Variants in ANO3 observed in about 807,000 individuals in gnomAD.
ANO3 encodes anoctamin-3.
Under a neutral mutation model 144.8 loss-of-function variants are expected in ANO3, and 99 were observed. That is an observed-to-expected ratio of 0.68 (90% CI 0.58 to 0.81). The LOEUF is 0.81. ANO3 is among the 30% of genes least tolerant of loss of function. The probability of loss-of-function intolerance (pLI) is 0.00; values close to 1 mark genes in which losing one functional copy is unlikely to be tolerated. For synonymous variants in ANO3, 414 were observed against 392.6 expected (o/e 1.05, Z -0.64); for missense variants, 905 against 1,202.2 (o/e 0.75, Z 3.66).
At chr11:26,477,928 T>C (rs577833244) in intron 4 of ANO3, among the ~76,000 whole-genome samples, 2 of 152,168 alleles carry the variant, frequency 1.3e-5, no homozygotes, top group South Asian at 2.1e-4. Context: ...TGCATCGTTA[T>C]GAATCATAGC....
At chr11:26,328,873 T>TA (rs1254453877), upstream of ANO3, among the ~76,000 whole-genome samples, 8 of 152,044 alleles carry the variant, frequency 5.3e-5, no homozygotes, top group Non-Finnish European at 7.4e-5. Flanking sequence ...TATGAAAGTA[T>TA]AAAAAATATT....
Position 26,375,549 on chromosome 11 carries a change from C to T in ANO3, c.46+43228C>T, listed in dbSNP as rs73443815. Among the ~76,000 whole-genome samples, 531 of 152,294 alleles carry T rather than the reference C, an allele frequency of 3.5e-3. 4 individuals are homozygous for T. Among genetic ancestry groups the T allele is most frequent in the African/African-American group, 0.012 (484 of 41,578 alleles). On this transcript the variant is annotated intron_variant, in intron 1 of 26. Coordinates refer to ENST00000256737, the MANE Select transcript of ANO3 (RefSeq NM_031418.4). The stretch of plus-strand genomic sequence containing the variant: ...ATCGGTGAGTTATTGTTGGCTACAA[C>T]ACTTAAAATCTTCAAACAATGGGAG...
chr11:26,427,220 A>G (rs1184750840), intron 1 of ANO3: 2 of 188,082 alleles, frequency 1.1e-5, no homozygotes, highest in Admixed American at 1.0e-4. Flanking sequence ...CAACAAGTTC[A>G]AGATCAGCAT....
intron 4 of ANO3, among the ~76,000 whole-genome samples, chr11:26,505,341 T>G (rs1411175742): frequency 6.6e-6 from 1 of 152,190 alleles, no homozygotes; most frequent in Non-Finnish European, 1.5e-5. Flanking sequence ...GATAAACAAT[T>G]TCATTTTGGA....
chr11:26,643,464 T>G (rs1476815811), intron 23 of ANO3, 130 bp downstream of exon 23: 8 of 1,182,442 alleles, frequency 6.8e-6, no homozygotes, highest in Non-Finnish European at 9.3e-6. Context: ...CTTTAAGAAG[T>G]GATTAAGCTG....
At chr11:26,307,187 C>A (rs946676842), upstream of ANO3, among the ~76,000 whole-genome samples, 2 of 151,482 alleles carry the variant, frequency 1.3e-5, no homozygotes, top group Non-Finnish European at 2.9e-5. Context: ...AACCCCGCCT[C>A]TACTAAAAAT....
rs927226577 is a variant in ANO3 at position 26,278,058 on chromosome 11, C to T, written c.155-31587C>T. ...CCACTCTCCATCATTTTAGTATTGA[C>T]TATTGATCCTATCAGTCTAGTAACG... On this transcript the variant is annotated intron_variant, in intron 1 of 27. Coordinates refer to the ANO3 transcript ENST00000672621. 3.3e-5 allele frequency among the ~76,000 whole-genome samples: 5 copies of T among 152,048 alleles called. No individual in the cohort carries two copies. In the South Asian group the frequency reaches 6.2e-4, roughly 19 times the overall value.
At chr11:26,485,087 T>G (rs118189147) in intron 4 of ANO3, among the ~76,000 whole-genome samples, 3,384 of 152,232 alleles carry the variant, frequency 0.022, 61 homozygotes, top group Non-Finnish European at 0.036. Flanking sequence ...CAGATGAAAC[T>G]TTGGACTGCA....
At chr11:26,405,891 T>C (rs1472499716) in intron 1 of ANO3, among the ~76,000 whole-genome samples, 7 of 151,852 alleles carry the variant, frequency 4.6e-5, no homozygotes, top group African/African-American at 1.7e-4. Flanking sequence ...CTCTGAAATT[T>C]CATAAGGTGT....
At chr11:26,513,980 A>C (rs550744461) in intron 5 of ANO3, among the ~76,000 whole-genome samples, 3 of 152,124 alleles carry the variant, frequency 2.0e-5, no homozygotes, top group Admixed American at 2.0e-4. Context: ...ATAAGAACTC[A>C]TATCTCCCCA....
chr11:26,375,527 G>C (rs1461365), intron 1 of ANO3, among the ~76,000 whole-genome samples: 1 of 151,970 alleles, frequency 6.6e-6, no homozygotes, highest in Non-Finnish European at 1.5e-5. Flanking sequence ...AGAATGAATC[G>C]GTGAGTTATT....
chr11:26,304,243 T>C (rs1854308695), intron 1 of ANO3, among the ~76,000 whole-genome samples: 1 of 152,156 alleles, frequency 6.6e-6, no homozygotes, highest in Non-Finnish European at 1.5e-5. Context: ...TTTCAGTGAC[T>C]TCAACTTATT....
At chr11:26,643,423 C>G in intron 23 of ANO3, 89 bp downstream of exon 23, 1 of 1,495,140 alleles carries the variant, frequency 6.7e-7, no homozygotes, top group South Asian at 1.3e-5. Flanking sequence ...TATGTTGAAA[C>G]TTAATTGCCA....
chr11:26,217,611 C>T (rs11602913), intron 1 of ANO3, among the ~76,000 whole-genome samples: 45,913 of 151,668 alleles, frequency 0.3, 7,686 homozygotes, highest in Non-Finnish European at 0.37. Flanking sequence ...AATGCATATA[C>T]ATAGGGGTGA....
At chr11:26,329,025 A>G (rs2133885259), upstream of ANO3, among the ~76,000 whole-genome samples, 1 of 152,162 alleles carries the variant, frequency 6.6e-6, no homozygotes, top group African/African-American at 2.4e-5. Context: ...TAAACATTAT[A>G]TAAAATACAC....
intron 18 of ANO3, among the ~76,000 whole-genome samples, chr11:26,628,778 G>T (rs1442896698): frequency 6.6e-6 from 1 of 152,096 alleles, no homozygotes; most frequent in African/African-American, 2.4e-5. Context: ...GGTCCATATG[G>T]TATCTGCTGG....
chr11:26,639,007 CTTTCTTGTTTTTA>C (rs1565158740), intron 20 of ANO3, 124 bp from the exon 21 acceptor site: 1 of 600,416 alleles, frequency 1.7e-6, no homozygotes, highest in Non-Finnish European at 3.0e-6. Context: ...CATGCTGTTT[CTTTCTTGTTTTTA>C]TTTTCTTTAT....
intron 6 of ANO3, among the ~76,000 whole-genome samples, chr11:26,518,851 T>A (rs1482930049): frequency 6.6e-6 from 1 of 151,906 alleles, no homozygotes; most frequent in Non-Finnish European, 1.5e-5. Context: ...TAGAAGGAAA[T>A]ATAATAAGAG....
In ANO3 at chr11:26,245,885, GC is replaced by G. The variant is rs1852779456; in HGVS notation, c.154+56556del. Among the ~76,000 whole-genome samples, 3 of 152,316 alleles carry G rather than the reference GC, an allele frequency of 2.0e-5. No individual in the cohort carries two copies. The South Asian group carries it at 6.2e-4, about 32-fold the overall frequency. On this transcript the variant is annotated intron_variant, in intron 1 of 27. Coordinates refer to the ANO3 transcript ENST00000672621. ...TTGCAAAATCTATTAGTCCTGCAGA[GC>G]AGGCAACGGTTTGTGACAATATATC...
Sources: gnomAD v4.1 joint callset for allele counts (sites outside exome capture counted in the v4.1 genomes callset) on GRCh38, gnomAD v4.1.1 for gene constraint, MANE v1.5 for transcripts, NCBI Gene and HGNC (gene_info 2026-07-23, HGNC 2026-07-21) for gene names.